The following SAT2 variants were observed in gnomAD, a reference collection of about 807,000 sequenced individuals.
The protein encoded by SAT2 is spermidine/spermine N1-acetyltransferase family member 2.
SAT2 carries 19 observed loss-of-function variants against 24.8 expected under a neutral mutation model. The observed-to-expected ratio is 0.77, with a 90% CI of 0.53 to 1.12. The LOEUF (loss-of-function observed/expected upper bound fraction) is 1.12, where lower values mean the gene tolerates loss of function less well. SAT2 is among the 50% of genes most tolerant of loss of function. The pLI is 0.00. For synonymous variants in SAT2, 77 were observed against 77.4 expected (o/e 0.99, Z 0.03); for missense variants, 190 against 210.7 (o/e 0.90, Z 0.61).
rs766957337 is a variant in SAT2, at chr17:7,626,734, G to A, written c.345+19C>T. On this transcript the variant is annotated intron_variant, in intron 5 of 5. Coordinates refer to ENST00000269298, the MANE Select transcript of SAT2 (RefSeq NM_133491.5). Reference sequence around the variant, plus strand: ...TTGCTTCTTCAGGTCCTCACTTGTCGCCCCACCCATCTCCTCACCTCAGCC... The same window carrying A: ...TTGCTTCTTCAGGTCCTCACTTGTCACCCCACCCATCTCCTCACCTCAGCC... 10 of 1,613,750 alleles carry A rather than the reference G, an allele frequency of 6.2e-6. No homozygotes were observed. Among genetic ancestry groups the A allele is most frequent in the Admixed American group, 3.3e-5 (2 of 59,980 alleles).
At chr17:7,626,906 C>G (rs773660679) in intron 4 of SAT2, 37 bp downstream of exon 4, 1 of 1,596,982 alleles carries the variant, frequency 6.3e-7, no homozygotes, top group South Asian at 1.1e-5. Context: ...CTGTGGGGTG[C>G]TTTGCTCCCA....
At position 7,627,795 on chromosome 17, in the gene SAT2, G is replaced by T. The variant is rs748134999; in HGVS notation, c.-160C>A. The T allele has an allele frequency of 2.5e-6, 2 of 788,256 alleles. No individual in the cohort carries two copies. Among genetic ancestry groups the T allele is most frequent in the South Asian group, 3.0e-5 (2 of 67,588 alleles). The allele number at this position is 788,256 out of a possible 1,614,324, so 48.8% of individuals were successfully genotyped here. On this transcript the variant is annotated 5_prime_UTR_variant, in exon 1 of 6. Coordinates refer to ENST00000269298, the MANE Select transcript of SAT2 (RefSeq NM_133491.5). The surrounding 1 kb of genome is among the most constrained non-coding windows in gnomAD (Gnocchi z 4.8). ...AGCCGCGGCCTGGTAAGTGGAGCTG[G>T]GATTCCGGCGCCGTACGGGAGGAGA...
chr17:7,626,917 C>G, intron 4 of SAT2, 26 bp downstream of exon 4: 2 of 1,610,578 alleles, frequency 1.2e-6, no homozygotes. Context: ...TTTGCTCCCA[C>G]CCCAGCCTCA....
Position 7,627,404 on chromosome 17 carries a change from T to G in SAT2, c.77A>C (p.Glu26Ala). The G allele has an allele frequency of 6.2e-7, 1 of 1,613,986 alleles. No individual in the cohort carries two copies. Among genetic ancestry groups the G allele is most frequent in the Non-Finnish European group, 8.5e-7 (1 of 1,179,998 alleles). Residue 26 changes from glutamate (E) to alanine (A), a missense_variant, in exon 2 of 6, where the codon GAA (glutamate) becomes GCA (alanine). Transcript: ENST00000269298. This position sits in a 1 kb window ranked among gnomAD's most constrained non-coding sequence, Gnocchi z 4.8. ...CACCTGATCCGAGAGTTTTTCGAATTCGGCTAGCTCCTAAGGCGTGGGTAC... is the reference window on the plus strand; with the variant it reads ...CACCTGATCCGAGAGTTTTTCGAATGCGGCTAGCTCCTAAGGCGTGGGTAC... The part of the protein sequence containing the change: ...DILRLIRELA[E>A]FEKLSDQVKI...
In SAT2 at chr17:7,627,174, T is replaced by G; in HGVS notation, c.171A>C (p.Ala57=). 1.2e-6 allele frequency: 2 copies of G among 1,614,156 alleles called. No individual in the cohort carries two copies. The highest frequency in any genetic ancestry group is 1.7e-6 in the Non-Finnish European group (2 of 1,180,032). Residue 57 remains alanine (A), a synonymous_variant, in exon 3 of 6, where the codon GCA becomes GCC. Coordinates refer to ENST00000269298, the MANE Select transcript of SAT2 (RefSeq NM_133491.5). The surrounding 1 kb of genome is among the most constrained non-coding windows in gnomAD (Gnocchi z 4.8). ...GDNPFYHCLV[A]EILPAPGKLL... is the part of the protein sequence containing the mutation. The stretch of plus-strand genomic sequence containing the variant: ...GCTTCCCGGGCGCTGGAAGAATCTC[T>G]GCTACCAAACAGTGATAGAAAGGAT...
Position 7,626,978 on chromosome 17 carries a change from T to C in SAT2, c.269A>G (p.Tyr90Cys). Residue 90 changes from tyrosine (Y) to cysteine (C), a missense_variant, in exon 4 of 6, where the codon TAT becomes TGT. By Grantham distance (194) the Tyr-to-Cys change is radical. Coordinates refer to ENST00000269298, the MANE Select transcript of SAT2 (RefSeq NM_133491.5). ...CGGCATCACATAGATATCCTCCAGA[T>C]AAATGGTGCGTCCCTTCCATGTACT... ...IYSTWKGRTI[Y>C]LEDIYVMPEY... The C allele has an allele frequency of 6.2e-7, 1 of 1,614,028 alleles. No homozygotes were observed. Among genetic ancestry groups the C allele is most frequent in the Non-Finnish European group, 8.5e-7 (1 of 1,179,988 alleles).
At chr17:7,626,855 G>A in intron 4 of SAT2, 62 bp from the exon 5 acceptor site, 2 of 1,607,862 alleles carry the variant, frequency 1.2e-6, no homozygotes, top group Non-Finnish European at 8.5e-7. Context: ...ATCAGAAAAT[G>A]ACACCGGCTG....
At chr17:7,626,701 A>T (rs972594146) in intron 5 of SAT2, 52 bp downstream of exon 5, 1 of 1,613,430 alleles carries the variant, frequency 6.2e-7, no homozygotes, top group African/African-American at 1.3e-5. Context: ...TCCCCCCTCC[A>T]TATACCCTTG....
In SAT2 at chr17:7,627,258, G is replaced by C; in HGVS notation, c.119-32C>G. 1 of 1,613,440 alleles carries C rather than the reference G, an allele frequency of 6.2e-7. No individual in the cohort carries two copies. Among genetic ancestry groups the C allele is most frequent in the Non-Finnish European group, 8.5e-7 (1 of 1,179,414 alleles). On this transcript the variant is annotated intron_variant, in intron 2 of 5. Transcript: ENST00000269298. This position sits in a 1 kb window ranked among gnomAD's most constrained non-coding sequence, Gnocchi z 4.8. Reference sequence around the variant, plus strand: ...AGATTGGAGTTGTGACAAAGAGATAGAGAAAGAGGACGTGGGTGTATGCCC... The same window carrying C: ...AGATTGGAGTTGTGACAAAGAGATACAGAAAGAGGACGTGGGTGTATGCCC...
chr17:7,627,761 C>T lies in SAT2; in HGVS notation c.-126G>A. 3 of 1,014,974 alleles carry T rather than the reference C, an allele frequency of 3.0e-6. No homozygotes were observed. The highest frequency in any genetic ancestry group is 4.6e-6 in the Non-Finnish European group (3 of 657,196). The allele number at this position is 1,014,974 out of a possible 1,614,324, so 62.9% of individuals were successfully genotyped here. ...GCGGGGTGGCGGGAGTCGGGGGGGA[C>T]GGCGGGGTAGCCGCGGCCTGGTAAG... On this transcript the variant is annotated 5_prime_UTR_variant, in exon 1 of 6. Coordinates refer to ENST00000269298, the MANE Select transcript of SAT2 (RefSeq NM_133491.5). This position sits in a 1 kb window ranked among gnomAD's most constrained non-coding sequence, Gnocchi z 4.8.
chr17:7,627,708 G>T lies in SAT2; in HGVS notation c.-73C>A, dbSNP rs1412113682. ...CAACTAGACCCCTTAAAGGGCCTAC[G>T]GACTTGGATCCTGAAGAGCCTGAGA... On this transcript the variant is annotated 5_prime_UTR_variant, in exon 1 of 6. Coordinates refer to ENST00000269298, the MANE Select transcript of SAT2 (RefSeq NM_133491.5). This position sits in a 1 kb window ranked among gnomAD's most constrained non-coding sequence, Gnocchi z 4.8. The T allele has an allele frequency of 6.4e-7, 1 of 1,552,854 alleles. No homozygotes were observed. Among genetic ancestry groups the T allele is most frequent in the South Asian group, 1.1e-5 (1 of 89,758 alleles).
At position 7,626,442 on chromosome 17, in the gene SAT2, T is replaced by C; in HGVS notation, c.*5A>G. 1 of 1,613,898 alleles carries C rather than the reference T, an allele frequency of 6.2e-7. No homozygotes were observed. The highest frequency in any genetic ancestry group is 8.5e-7 in the Non-Finnish European group (1 of 1,179,874). ...CTCAAGACAGAGATCCTCCTAGGGA[T>C]GGCGTCACTTTCCTGCCAACTTTCT... On this transcript the variant is annotated 3_prime_UTR_variant, in exon 6 of 6. Coordinates refer to ENST00000269298, the MANE Select transcript of SAT2 (RefSeq NM_133491.5).
In SAT2 at chr17:7,627,628, G is replaced by A; in HGVS notation, c.8C>T (p.Ser3Phe). ...CTCCTTGGCCTCTCGGATCCGCACG[G>A]AAGCCATCCGGATCCCCGCTGTCTG... Reference protein sequence around the residue: MASVRIREAKEGD... With the variant: MAFVRIREAKEGD... The change falls in exon 1 of 6, where the codon TCC becomes TTC. Residue 3 changes from serine (S) to phenylalanine (F), a missense_variant. Coordinates refer to ENST00000269298, the MANE Select transcript of SAT2 (RefSeq NM_133491.5). The surrounding 1 kb of genome is among the most constrained non-coding windows in gnomAD (Gnocchi z 4.8). 6.2e-7 allele frequency: 1 copy of A among 1,613,898 alleles called. No homozygotes were observed. Among genetic ancestry groups the A allele is most frequent in the South Asian group, 1.1e-5 (1 of 91,046 alleles).
rs565876597 is a variant in SAT2 at position 7,626,645 on chromosome 17, G to C, written c.346-31C>G. On this transcript the variant is annotated intron_variant, in intron 5 of 5. Coordinates refer to ENST00000269298, the MANE Select transcript of SAT2 (RefSeq NM_133491.5). Reference sequence around the variant, plus strand: ...GGAGAAGACAACACTAACTTTTCTGGGGTCAAAAAAGAAAAAGGTTTTCTC... The same window carrying C: ...GGAGAAGACAACACTAACTTTTCTGCGGTCAAAAAAGAAAAAGGTTTTCTC... 1,392 of 1,610,610 alleles carry C rather than the reference G, an allele frequency of 8.6e-4. 22 individuals are homozygous for C. The South Asian group carries it at 0.014, about 16-fold the overall frequency.
At position 7,626,364 on chromosome 17, in the gene SAT2, G is replaced by A. The variant is rs1279033027; in HGVS notation, c.*83C>T. ...TTCCTCCAGGGAGGCCTCAGCATCA[G>A]TGTCTGTGGACGTAGTCTCTGAAGA... is the stretch of plus-strand genomic sequence containing the variant. On this transcript the variant is annotated 3_prime_UTR_variant, in exon 6 of 6. Coordinates refer to ENST00000269298, the MANE Select transcript of SAT2 (RefSeq NM_133491.5). The A allele has an allele frequency of 1.3e-6, 2 of 1,504,144 alleles. No individual in the cohort carries two copies. The highest frequency in any genetic ancestry group is 2.3e-5 in the East Asian group (1 of 44,312). The allele number at this position is 1,504,144 out of a possible 1,614,324, so 93.2% of individuals were successfully genotyped here. A position where few individuals can be genotyped will look rare whatever the true frequency, so the allele number is the denominator to read the frequency against.
In SAT2 at chr17:7,626,935, C is replaced by T; in HGVS notation, c.304+8G>A. ...GCTCCCACCCCAGCCTCAGCTTCTG[C>T]CCAGTACCCCGATATTCCGGCATCA... On this transcript the variant is annotated splice_region_variant and intron_variant, in intron 4 of 5. Coordinates refer to ENST00000269298, the MANE Select transcript of SAT2 (RefSeq NM_133491.5). The T allele has an allele frequency of 6.2e-7, 1 of 1,613,252 alleles. No individual in the cohort carries two copies. Among genetic ancestry groups the T allele is most frequent in the Non-Finnish European group, 8.5e-7 (1 of 1,179,312 alleles).
chr17:7,626,969 T>A lies in SAT2; in HGVS notation c.278A>T (p.Asp93Val). Residue 93 changes from aspartate to valine, a missense_variant, in exon 4 of 6, where the codon GAT becomes GTT. Asp to Val is a radical substitution (Grantham distance 152). Coordinates refer to ENST00000269298, the MANE Select transcript of SAT2 (RefSeq NM_133491.5). Reference protein sequence around the residue: ...TWKGRTIYLEDIYVMPEYRGQ... With the variant: ...TWKGRTIYLEVIYVMPEYRGQ... ...CCGATATTCCGGCATCACATAGATA[T>A]CCTCCAGATAAATGGTGCGTCCCTT... 6.2e-7 allele frequency: 1 copy of A among 1,613,922 alleles called. No homozygotes were observed. The highest frequency in any genetic ancestry group is 8.5e-7 in the Non-Finnish European group (1 of 1,179,962).
At position 7,626,293 on chromosome 17, in the gene SAT2, C is replaced by G; in HGVS notation, c.*154G>C. On this transcript the variant is annotated 3_prime_UTR_variant, in exon 6 of 6. Transcript: ENST00000269298. ...CAACAAGGAAGAAAGGTCTCTCCCTCAATTCTGCTCTTCCAATACTTGAGG... is the reference window on the plus strand; with the variant it reads ...CAACAAGGAAGAAAGGTCTCTCCCTGAATTCTGCTCTTCCAATACTTGAGG... 2.6e-6 allele frequency: 2 copies of G among 758,038 alleles called. No homozygotes were observed. The highest frequency in any genetic ancestry group is 4.4e-6 in the Non-Finnish European group (2 of 451,808). The allele number at this position is 758,038 out of a possible 1,614,324, so 47.0% of individuals were successfully genotyped here.
chr17:7,626,913 C>T (rs752052587), intron 4 of SAT2, 30 bp downstream of exon 4: 135 of 1,604,292 alleles, frequency 8.4e-5, no homozygotes, highest in Non-Finnish European at 1.1e-4. Flanking sequence ...GTGCTTTGCT[C>T]CCACCCCAGC....
Sources: gnomAD v4.1 joint callset for allele counts on GRCh38, gnomAD v4.1.1 for gene constraint, Gnocchi (gnomAD v3.1) non-coding constraint, MANE v1.5 for transcripts, NCBI Gene and HGNC (gene_info 2026-07-23, HGNC 2026-07-21) for gene names.